The following PLA2G4A variants were observed in gnomAD, a reference collection of about 807,000 sequenced individuals.
PLA2G4A encodes phospholipase A2 group IVA, also known as cytosolic phospholipase A2.
In PLA2G4A, 40 loss-of-function variants were observed where a neutral mutation model predicts 81.9. The observed-to-expected ratio is 0.49, with a 90% CI of 0.38 to 0.64. The LOEUF (loss-of-function observed/expected upper bound fraction) is 0.64, where lower values mean the gene tolerates loss of function less well. Ranked by LOEUF, PLA2G4A falls within the 30% of genes least tolerant of loss-of-function variation. PLA2G4A has a pLI of 0.00. For synonymous variants in PLA2G4A, 302 were observed against 296.9 expected, an observed-to-expected ratio of 1.02 and a Z score of -0.18; for missense variants, 715 against 905.1, an observed-to-expected ratio of 0.79 and a Z score of 2.69.
chr1:186,939,843 T>C (rs746759652), intron 9 of PLA2G4A, 137 bp from the exon 10 acceptor site: 41 of 621,090 alleles, frequency 6.6e-5, no homozygotes, highest in Non-Finnish European at 1.1e-4. Flanking sequence ...ATTCAGGACC[T>C]AGTAATTTCT....
intron 8 of PLA2G4A, among the ~76,000 whole-genome samples, chr1:186,933,506 A>T (rs1296353379): frequency 1.3e-5 from 2 of 152,190 alleles, no homozygotes; most frequent in Admixed American, 1.3e-4. Flanking sequence ...ATATTTATAA[A>T]ACATTTTCCA....
chr1:186,962,868 T>C (rs1657009221), intron 14 of PLA2G4A, among the ~76,000 whole-genome samples: 1 of 152,204 alleles, frequency 6.6e-6, no homozygotes. Flanking sequence ...CCCTCTTAGT[T>C]AGTCATGCCA....
chr1:186,912,465 C>T (rs1654981411), intron 7 of PLA2G4A, among the ~76,000 whole-genome samples: 1 of 152,096 alleles, frequency 6.6e-6, no homozygotes, highest in South Asian at 2.1e-4. Flanking sequence ...CACCTATCAT[C>T]TCTCCTCCCT....
rs145776874 is a variant in PLA2G4A, at chr1:186,960,886, T to C, written c.1580-4523T>C. On this transcript the variant is annotated intron_variant, in intron 14 of 17. Transcript: ENST00000367466. ...CAATGTAATTGGCTAGTACTTTAAG[T>C]TGTTGAATTTTGTCTTTCTCAAGAC... Among the ~76,000 whole-genome samples, 162 of 152,310 alleles carry C rather than the reference T, an allele frequency of 1.1e-3. 1 individual carries two copies. Among genetic ancestry groups the C allele is most frequent in the African/African-American group, 3.6e-3 (151 of 41,572 alleles).
At chr1:186,972,394 CAA>C (rs993590007) in intron 15 of PLA2G4A, among the ~76,000 whole-genome samples, 16 of 152,008 alleles carry the variant, frequency 1.1e-4, no homozygotes, top group African/African-American at 3.6e-4. Context: ...GAAAATAAGC[CAA>C]AGTCTTCATA....
At chr1:186,966,174 T>G (rs1420344714) in intron 15 of PLA2G4A, among the ~76,000 whole-genome samples, 2 of 146,576 alleles carry the variant, frequency 1.4e-5, no homozygotes, top group Non-Finnish European at 3.0e-5. Context: ...GGGAAGGAGA[T>G]GGACTGTATC....
At chr1:186,924,831 G>A (rs1420663065) in intron 7 of PLA2G4A, among the ~76,000 whole-genome samples, 1 of 152,184 alleles carries the variant, frequency 6.6e-6, no homozygotes, top group Non-Finnish European at 1.5e-5. Flanking sequence ...ATTTTGGGAG[G>A]CCAAGGTGGG....
chr1:186,862,917 T>TAGG (rs1295290530), intron 2 of PLA2G4A, among the ~76,000 whole-genome samples: 1 of 152,188 alleles, frequency 6.6e-6, no homozygotes, highest in Non-Finnish European at 1.5e-5. Flanking sequence ...AGTATTGAGG[T>TAGG]AGGAAAAGGC....
At chr1:186,927,070 A>C (rs1655574913) in intron 7 of PLA2G4A, among the ~76,000 whole-genome samples, 2 of 152,234 alleles carry the variant, frequency 1.3e-5, no homozygotes, top group Non-Finnish European at 2.9e-5. Context: ...TTATGTAGAT[A>C]GAAATCTTTC....
chr1:186,901,020 A>G (rs1211214197), intron 5 of PLA2G4A, among the ~76,000 whole-genome samples: 1 of 152,222 alleles, frequency 6.6e-6, no homozygotes, highest in Admixed American at 6.5e-5. Flanking sequence ...TTATGGCTGA[A>G]TTCAGAATGT....
chr1:186,910,228 A>G (rs551883789), intron 6 of PLA2G4A, among the ~76,000 whole-genome samples: 14 of 152,280 alleles, frequency 9.2e-5, no homozygotes, highest in African/African-American at 3.4e-4. Context: ...TTACAAGGAA[A>G]AAATATACTG....
intron 7 of PLA2G4A, among the ~76,000 whole-genome samples, chr1:186,928,683 T>C (rs1447060274): frequency 6.6e-6 from 1 of 152,252 alleles, no homozygotes; most frequent in Non-Finnish European, 1.5e-5. Context: ...GAAATGTTTT[T>C]ATGTAATTGT....
At position 186,869,978 on chromosome 1, in the gene PLA2G4A, G is replaced by T. The variant is rs903772142; in HGVS notation, c.34-457G>T. 6.6e-5 allele frequency among the ~76,000 whole-genome samples: 10 copies of T among 152,090 alleles called. No homozygotes were observed. In the East Asian group the frequency reaches 1.9e-3, roughly 29 times the overall value. On this transcript the variant is annotated intron_variant, in intron 2 of 17. Transcript: ENST00000367466. ...CAATTTGTTTGCTGCTTATTGCCTTGGTTCCATAGGGTTTTGAAAGCTGTA... is the reference window on the plus strand; with the variant it reads ...CAATTTGTTTGCTGCTTATTGCCTTTGTTCCATAGGGTTTTGAAAGCTGTA...
chr1:186,890,786 G>A (rs915237854), intron 3 of PLA2G4A, among the ~76,000 whole-genome samples: 12 of 150,834 alleles, frequency 8.0e-5, no homozygotes, highest in Non-Finnish European at 1.2e-4. Flanking sequence ...CCAGGAGGCC[G>A]AGGTTGCAGT....
chr1:186,924,431 T>C (rs192644236), intron 7 of PLA2G4A, among the ~76,000 whole-genome samples: 1 of 152,314 alleles, frequency 6.6e-6, no homozygotes, highest in East Asian at 1.9e-4. Flanking sequence ...TTTGAAACAT[T>C]GTCTACTCTT....
chr1:186,978,785 G>A (rs950111270), intron 16 of PLA2G4A, among the ~76,000 whole-genome samples: 1 of 152,182 alleles, frequency 6.6e-6, no homozygotes, highest in Admixed American at 6.5e-5. Context: ...ATTTAGATGA[G>A]CTGGGGAACA....
At chr1:186,980,005 T>G (rs1016220179) in intron 17 of PLA2G4A, among the ~76,000 whole-genome samples, 1 of 137,022 alleles carries the variant, frequency 7.3e-6, no homozygotes, top group African/African-American at 2.6e-5. Flanking sequence ...TGGAGTGCAG[T>G]GGCGCAATGT....
intron 2 of PLA2G4A, among the ~76,000 whole-genome samples, chr1:186,864,064 C>T (rs1272516710): frequency 2.6e-5 from 4 of 152,130 alleles, no homozygotes; most frequent in Admixed American, 6.6e-5. Flanking sequence ...CACTCCTGAC[C>T]GCAAATATGT....
intron 2 of PLA2G4A, among the ~76,000 whole-genome samples, chr1:186,854,611 A>T (rs1182085130): frequency 6.6e-6 from 1 of 151,988 alleles, no homozygotes; most frequent in Non-Finnish European, 1.5e-5. Context: ...TTGAAAGGAA[A>T]AAAATACCCA....
Sources: gnomAD v4.1 joint callset for allele counts (sites outside exome capture counted in the v4.1 genomes callset) on GRCh38, gnomAD v4.1.1 for gene constraint, MANE v1.5 for transcripts, NCBI Gene and HGNC (gene_info 2026-07-23, HGNC 2026-07-21) for gene names.